Variants in KIAA0825 observed in about 807,000 individuals in gnomAD.
KIAA0825 encodes the protein KIAA0825, also known as uncharacterized protein KIAA0825.
KIAA0825 carries 119 observed loss-of-function variants against 147.6 expected under a neutral mutation model. The ratio of observed to expected loss-of-function variants is 0.81; its 90% CI spans 0.69 to 0.94. The LOEUF (loss-of-function observed/expected upper bound fraction) is 0.94. Ranked by LOEUF, KIAA0825 falls within the 40% of genes least tolerant of loss-of-function variation. The pLI is 0.00. For synonymous variants in KIAA0825, 470 were observed against 518.1 expected, an observed-to-expected ratio of 0.91 and a Z score of 1.26; for missense variants, 1,381 against 1,472.7, an observed-to-expected ratio of 0.94 and a Z score of 1.02.
At position 94,471,395 on chromosome 5, in the gene KIAA0825, C is replaced by A. The variant is rs189324748; in HGVS notation, c.1721+71G>T. 1.8e-5 allele frequency: 26 copies of A among 1,433,066 alleles called. No individual in the cohort carries two copies. In the East Asian group the frequency reaches 6.3e-4, roughly 34 times the overall value. 88.8% of individuals were successfully genotyped at this position (1,433,066 alleles called of 1,614,324 possible). On this transcript the variant is annotated intron_variant, in intron 9 of 20. Coordinates refer to ENST00000682413, the MANE Select transcript of KIAA0825 (RefSeq NM_001145678.3). ...TTCTCAAATCTTATTACCAAAATTT[C>A]ATTCCTGTGATATCCAAAGATTACA...
At chr5:94,587,257 C>G (rs1320513329) in intron 1 of KIAA0825, among the ~76,000 whole-genome samples, 3 of 152,142 alleles carry the variant, frequency 2.0e-5, no homozygotes, top group Non-Finnish European at 4.4e-5. Context: ...CAAATTGTCC[C>G]TGTTTGCAGA....
intron 20 of KIAA0825, among the ~76,000 whole-genome samples, chr5:94,280,740 G>A (rs931159780): frequency 6.6e-6 from 1 of 152,000 alleles, no homozygotes; most frequent in African/African-American, 2.4e-5. Flanking sequence ...TTCTTTATGT[G>A]CCAAAATGAG....
chr5:94,327,933 G>T (rs1162120379), intron 20 of KIAA0825, among the ~76,000 whole-genome samples: 1 of 152,146 alleles, frequency 6.6e-6, no homozygotes, highest in East Asian at 1.9e-4. Context: ...TTGAACCTGG[G>T]AGGCAGGGGT....
At position 94,386,328 on chromosome 5, in the gene KIAA0825, G is replaced by A. The variant is rs1217574265; in HGVS notation, c.3533C>T (p.Thr1178Ile). ...AGGCTGATCTTCTATACTCCTCAAGGTCGTCTTTAAAGGTCGGATGGGTAA... is the reference window on the plus strand; with the variant it reads ...AGGCTGATCTTCTATACTCCTCAAGATCGTCTTTAAAGGTCGGATGGGTAA... ...KPLPIRPLKT[T>I]LRSIEDQPSA... is the part of the protein sequence containing the mutation. The change falls in exon 19 of 21, where the codon ACC becomes ATC. Residue 1178 changes from threonine to isoleucine, a missense_variant. Physicochemically the swap from Thr to Ile is moderately conservative, Grantham distance 89. Transcript: ENST00000682413. 1 of 1,551,520 alleles carries A rather than the reference G, an allele frequency of 6.4e-7. No individual in the cohort carries two copies. Among genetic ancestry groups the A allele is most frequent in the Non-Finnish European group, 8.7e-7 (1 of 1,146,798 alleles).
chr5:94,391,451 T>A, intron 18 of KIAA0825, 84 bp downstream of exon 18: 1 of 1,360,152 alleles, frequency 7.4e-7, no homozygotes, highest in South Asian at 1.3e-5. Context: ...TATTATCACC[T>A]CCTTGACTAA....
chr5:94,267,531 G>A (rs1199870781), intron 20 of KIAA0825, among the ~76,000 whole-genome samples: 1 of 152,134 alleles, frequency 6.6e-6, no homozygotes, highest in African/African-American at 2.4e-5. Flanking sequence ...GACCCACTCA[G>A]TGGTAAGTTA....
At chr5:94,230,912 A>C (rs1015733339) in intron 20 of KIAA0825, among the ~76,000 whole-genome samples, 1 of 152,130 alleles carries the variant, frequency 6.6e-6, no homozygotes, top group Non-Finnish European at 1.5e-5. Flanking sequence ...GGATTAGTTT[A>C]GATTAGTTTC....
At chr5:94,581,393 T>G (rs1473156716) in intron 2 of KIAA0825, among the ~76,000 whole-genome samples, 6 of 152,216 alleles carry the variant, frequency 3.9e-5, no homozygotes, top group Non-Finnish European at 8.8e-5. Context: ...CTGTATGACC[T>G]ATTTATGCCT....
intron 6 of KIAA0825, among the ~76,000 whole-genome samples, chr5:94,479,252 C>T (rs1460423922): frequency 1.3e-5 from 2 of 152,000 alleles, no homozygotes; most frequent in Non-Finnish European, 2.9e-5. Context: ...CTTACACATC[C>T]CTCCTCCCCA....
intron 2 of KIAA0825, among the ~76,000 whole-genome samples, chr5:94,562,022 G>A (rs958799852): frequency 6.6e-6 from 1 of 152,092 alleles, no homozygotes; most frequent in Non-Finnish European, 1.5e-5. Context: ...TTAAAAAATT[G>A]TGAAAGGTAG....
At chr5:94,595,362 G>C (rs143107161) in intron 1 of KIAA0825, among the ~76,000 whole-genome samples, 2 of 152,162 alleles carry the variant, frequency 1.3e-5, no homozygotes, top group Non-Finnish European at 2.9e-5. Flanking sequence ...AGCTGCAAAG[G>C]CTTGGGGAAT....
In KIAA0825 at chr5:94,328,064, G is replaced by A. The variant is rs186392206; in HGVS notation, c.3710+56304C>T. Among the ~76,000 whole-genome samples, 36 of 152,220 alleles carry A rather than the reference G, an allele frequency of 2.4e-4. No individual in the cohort carries two copies. In the East Asian group the frequency reaches 6.6e-3, roughly 28 times the overall value. ...TTTATAATCAATATTTAATATGTAT[G>A]TCATCTCTGATTTTTTTCAAGTCAT... On this transcript the variant is annotated intron_variant, in intron 20 of 20. Coordinates refer to ENST00000682413, the MANE Select transcript of KIAA0825 (RefSeq NM_001145678.3).
At chr5:94,525,201 C>T (rs373886016) in intron 3 of KIAA0825, among the ~76,000 whole-genome samples, 93 of 151,878 alleles carry the variant, frequency 6.1e-4, no homozygotes, top group African/African-American at 2.0e-3. Context: ...GTTTTGAAAA[C>T]GTAACTGCTA....
chr5:94,577,001 CAT>C (rs1465914404), intron 2 of KIAA0825, among the ~76,000 whole-genome samples: 2 of 152,206 alleles, frequency 1.3e-5, no homozygotes, highest in Admixed American at 6.5e-5. Flanking sequence ...TGTGTACACA[CAT>C]ATCTCAAAAG....
At chr5:94,555,440 TTATC>T (rs1489264195) in intron 2 of KIAA0825, among the ~76,000 whole-genome samples, 1 of 152,150 alleles carries the variant, frequency 6.6e-6, no homozygotes, top group Non-Finnish European at 1.5e-5. Flanking sequence ...GTAAACTAGA[TTATC>T]TATATATATC....
At chr5:94,605,594 T>G (rs972374799) in intron 1 of KIAA0825, among the ~76,000 whole-genome samples, 1 of 152,182 alleles carries the variant, frequency 6.6e-6, no homozygotes, top group East Asian at 1.9e-4. Flanking sequence ...ATTCCCAGGA[T>G]GCAAGGTTGG....
chr5:94,545,852 G>A (rs1313763114), intron 2 of KIAA0825, among the ~76,000 whole-genome samples: 1 of 152,210 alleles, frequency 6.6e-6, no homozygotes, highest in Non-Finnish European at 1.5e-5. Context: ...AAGGGACTTA[G>A]TCTTGCTCTT....
At position 94,152,629 on chromosome 5, in the gene KIAA0825, T is replaced by C. The variant is rs1326885966; in HGVS notation, c.*1378A>G. Among the ~76,000 whole-genome samples, 1 of 150,230 alleles carries C rather than the reference T, an allele frequency of 6.7e-6. No individual in the cohort carries two copies. The highest frequency in any genetic ancestry group is 1.5e-5 in the Non-Finnish European group (1 of 67,618). On this transcript the variant is annotated 3_prime_UTR_variant, in exon 21 of 21. Transcript: ENST00000682413. ...GAGTTCAAGTCCAGCCTGGGCAACA[T>C]AGTGAGACCTCATCTTTACAAAAAA...
intron 20 of KIAA0825, among the ~76,000 whole-genome samples, chr5:94,265,150 A>C (rs561583857): frequency 6.6e-6 from 1 of 152,296 alleles, no homozygotes; most frequent in East Asian, 1.9e-4. Flanking sequence ...TTGCCTACAA[A>C]AATAACAATT....
Sources: allele counts gnomAD v4.1 joint callset (sites outside exome capture counted in the v4.1 genomes callset), GRCh38; gene constraint gnomAD v4.1.1; transcripts MANE v1.5; gene names NCBI Gene and HGNC (gene_info 2026-07-23, HGNC 2026-07-21).